The following ZNF273 variants were observed in gnomAD, a reference collection of about 807,000 sequenced individuals.
The protein encoded by ZNF273 is zinc finger protein 9.
ZNF273 carries 11 observed loss-of-function variants against 14.9 expected under a neutral mutation model. That is an observed-to-expected ratio of 0.74 (90% CI 0.46 to 1.22). The LOEUF is 1.22. Among genes scored for constraint, ZNF273 ranks in the 50% most tolerant of loss-of-function variants. The pLI is 0.00. For missense variants in ZNF273, 577 were observed against 660.6 expected (o/e 0.87, Z 1.39); for synonymous variants, 199 against 223.9 (o/e 0.89, Z 0.99).
chr7:64,882,029 G>T (rs533822507), downstream of ZNF273, among the ~76,000 whole-genome samples: 1 of 152,096 alleles, frequency 6.6e-6, no homozygotes, highest in South Asian at 2.1e-4. Context: ...TTCCTTTGTC[G>T]TGGTTCCTGC....
At chr7:64,919,264 G>A (rs974016657) in intron 3 of ZNF273, among the ~76,000 whole-genome samples, 6 of 152,074 alleles carry the variant, frequency 3.9e-5, no homozygotes, top group Non-Finnish European at 7.4e-5. Context: ...TGGATAAATG[G>A]CACTTTAACA....
chr7:64,926,195 T>C (rs1794761293), intron 3 of ZNF273, among the ~76,000 whole-genome samples: 1 of 137,082 alleles, frequency 7.3e-6, no homozygotes, highest in Non-Finnish European at 1.6e-5. Flanking sequence ...CACAGTTTTT[T>C]CTCTGGCCTG....
At chr7:64,884,499 G>A (rs1028507822), downstream of ZNF273, among the ~76,000 whole-genome samples, 7 of 152,100 alleles carry the variant, frequency 4.6e-5, no homozygotes, top group Non-Finnish European at 1.0e-4. Context: ...CCAGTTCCAG[G>A]TGTGAGACCT....
chr7:64,885,430 C>T (rs181521445), intron 1 of ZNF273, among the ~76,000 whole-genome samples: 1 of 152,348 alleles, frequency 6.6e-6, no homozygotes, highest in Non-Finnish European at 1.5e-5. Context: ...AAAATTGTAC[C>T]TCTTGGTCAC....
At chr7:64,934,694 T>C (rs1695467102), downstream of ZNF273, among the ~76,000 whole-genome samples, 1 of 152,220 alleles carries the variant, frequency 6.6e-6, no homozygotes, top group Non-Finnish European at 1.5e-5. Context: ...AGTACCATAC[T>C]GTTTTGAGTA....
Position 64,917,647 on chromosome 7 carries a change from TC to T in ZNF273, c.170del (p.Ser57TyrfsTer9). The T allele has an allele frequency of 6.2e-7, 1 of 1,600,456 alleles. No individual in the cohort carries two copies. ...GGAGGAGTGGCAATGCCTGGACACT[TC>T]ACAGCAGAATTTGTATAGGAATGTG... Reference protein sequence around the residue: ...SLEEWQCLDTSQQNLYRNVML... With the variant: ...SLEEWQCLDTXQQNLYRNVML... On this transcript the variant is annotated frameshift_variant, in exon 2 of 4. Transcript: ENST00000476120. LOFTEE classifies it high-confidence loss of function.
downstream of ZNF273, among the ~76,000 whole-genome samples, chr7:64,883,340 G>T (rs1161494070): frequency 1.3e-5 from 2 of 151,974 alleles, no homozygotes; most frequent in African/African-American, 4.8e-5. Flanking sequence ...AGTCCTGTGC[G>T]CAGGGCTCCT....
chr7:64,918,688 A>T (rs13223530), intron 3 of ZNF273, among the ~76,000 whole-genome samples: 53,392 of 136,158 alleles, frequency 0.39, 12,229 homozygotes, highest in South Asian at 0.49. Context: ...AAAAAAAAAA[A>T]TGTGATTTGG....
At chr7:64,881,582 TG>T (rs1380209003), downstream of ZNF273, among the ~76,000 whole-genome samples, 4 of 152,214 alleles carry the variant, frequency 2.6e-5, no homozygotes, top group Admixed American at 1.3e-4. Flanking sequence ...ATCTAGGCTC[TG>T]TTTCATTTCA....
chr7:64,919,978 A>G (rs1223644330), intron 3 of ZNF273, among the ~76,000 whole-genome samples: 2 of 151,880 alleles, frequency 1.3e-5, no homozygotes, highest in East Asian at 1.9e-4. Flanking sequence ...GCAATTGACA[A>G]TGGCACAATA....
intron 3 of ZNF273, among the ~76,000 whole-genome samples, chr7:64,894,978 A>C (rs919478241): frequency 2.6e-5 from 4 of 152,000 alleles, no homozygotes; most frequent in African/African-American, 9.7e-5. Flanking sequence ...AAATACAAAA[A>C]AAAAAAAAAT....
At chr7:64,897,034 A>G (rs571265212) in intron 3 of ZNF273, among the ~76,000 whole-genome samples, 1 of 149,522 alleles carries the variant, frequency 6.7e-6, no homozygotes, top group Admixed American at 6.6e-5. Flanking sequence ...ATGCTAAGTA[A>G]AATAAGTCAG....
chr7:64,887,053 G>A (rs574129651), intron 1 of ZNF273, among the ~76,000 whole-genome samples: 1 of 152,102 alleles, frequency 6.6e-6, no homozygotes, highest in Non-Finnish European at 1.5e-5. Context: ...TCCTCACAAA[G>A]GTGTTATGTC....
downstream of ZNF273, chr7:64,889,179 C>T: frequency 1.0e-6 from 1 of 985,876 alleles, no homozygotes; most frequent in South Asian, 4.7e-5. The surrounding 1 kb of genome is among the most constrained non-coding windows in gnomAD (Gnocchi z 4.2). Context: ...TTGCTGGCGG[C>T]GGCAGCCCCT....
intron 1 of ZNF273, among the ~76,000 whole-genome samples, chr7:64,909,688 T>G (rs9638209): frequency 0.45 from 68,343 of 151,802 alleles, 15,693 homozygotes; most frequent in Admixed American, 0.51. Context: ...AGAGTATTTT[T>G]GGGGTATTCA....
At position 64,927,994 on chromosome 7, in the gene ZNF273, T is replaced by C. The variant is rs778598134; in HGVS notation, c.666T>C (p.Thr222=). The change falls in exon 4 of 4, where the codon ACT becomes ACC. Residue 222 remains threonine, a synonymous_variant. Coordinates refer to ENST00000476120, the MANE Select transcript of ZNF273 (RefSeq NM_021148.3). ...GKSCCILSQL[T]QHKKTATRVN... ...CATGTTGCATACTTTCACAACTAAC[T>C]CAGCATAAGAAAACTGCTACTAGAG... The C allele has an allele frequency of 1.2e-6, 2 of 1,613,984 alleles. No homozygotes were observed. The highest frequency in any genetic ancestry group is 2.2e-5 in the South Asian group (2 of 91,074).
At chr7:64,905,551 CAA>C (rs1793049999) in intron 1 of ZNF273, among the ~76,000 whole-genome samples, 1 of 125,974 alleles carries the variant, frequency 7.9e-6, no homozygotes, top group South Asian at 2.9e-4. Flanking sequence ...AAGGGGAAAA[CAA>C]ATAATTTCTT....
At chr7:64,882,335 C>CG (rs56147625), downstream of ZNF273, among the ~76,000 whole-genome samples, 152,180 of 152,182 alleles carry the variant, frequency 1, 76,089 homozygotes, top group Middle Eastern at 1. Flanking sequence ...ACCACGGAGA[C>CG]GCCCCAGGAG....
At position 64,928,515 on chromosome 7, in the gene ZNF273, A is replaced by G. The variant is rs777354517; in HGVS notation, c.1187A>G (p.His396Arg). ...ACCCTTACTAGACATAAGATAGTTCATACTGGAGAGAAACCCTACAAATGT... is the reference window on the plus strand; with the variant it reads ...ACCCTTACTAGACATAAGATAGTTCGTACTGGAGAGAAACCCTACAAATGT... ...SSTLTRHKIVHTGEKPYKCEE... is the reference protein window; with the variant it reads ...SSTLTRHKIVRTGEKPYKCEE... The change falls in exon 4 of 4, where the codon CAT becomes CGT. Residue 396 changes from histidine (H) to arginine (R), a missense_variant. This residue lies in a region of ZNF273 where 411 missense variants were observed against 440.4 expected (regional missense o/e 0.93). Transcript: ENST00000476120. 6.2e-7 allele frequency: 1 copy of G among 1,613,964 alleles called. No individual in the cohort carries two copies. Among genetic ancestry groups the G allele is most frequent in the South Asian group, 1.1e-5 (1 of 91,080 alleles).
Sources: gnomAD v4.1 joint callset for allele counts (sites outside exome capture counted in the v4.1 genomes callset) on GRCh38, gnomAD v4.1.1 for gene constraint, gnomAD v4.1.1 regional missense constraint, Gnocchi (gnomAD v3.1) non-coding constraint, MANE v1.5 for transcripts, NCBI Gene and HGNC (gene_info 2026-07-23, HGNC 2026-07-21) for gene names.